Variants in SCN9A observed in about 807,000 individuals in gnomAD.
SCN9A encodes the protein sodium channel protein type 9 subunit alpha.
In SCN9A, 131 loss-of-function variants were observed where a neutral mutation model predicts 187.0. That is an observed-to-expected ratio of 0.70 (90% CI 0.61 to 0.81). The LOEUF is 0.81. SCN9A is among the 30% of genes least tolerant of loss of function. The pLI is 0.00. For missense variants in SCN9A, 2,252 were observed against 2,396.6 expected, an observed-to-expected ratio of 0.94 and a Z score of 1.26; for synonymous variants, 809 against 808.6, an observed-to-expected ratio of 1.00 and a Z score of -0.01.
intron 19 of SCN9A, among the ~76,000 whole-genome samples, chr2:166,239,375 ATAT>A (rs1462178722): frequency 6.6e-6 from 1 of 152,120 alleles, no homozygotes; most frequent in Non-Finnish European, 1.5e-5. Context: ...TTCGTGGTTA[ATAT>A]TATATTTATT....
rs1696049673 is a variant in SCN9A, at chr2:166,251,781, C to T, written c.3456G>A (p.Glu1152=). 6.2e-7 allele frequency: 1 copy of T among 1,612,614 alleles called. No individual in the cohort carries two copies. Among genetic ancestry groups the T allele is most frequent in the African/African-American group, 1.3e-5 (1 of 74,942 alleles). ...TTGTCTTACCATCTGTGAAACAGGCCTCTGGCTCATCGGAATTCATAGGTT... is the reference window on the plus strand; with the variant it reads ...TTGTCTTACCATCTGTGAAACAGGCTTCTGGCTCATCGGAATTCATAGGTT... ...EAEPMNSDEP[E]ACFTDGCVWR... The change falls in exon 18 of 27, where the codon GAG becomes GAA. Residue 1152 remains glutamate, a synonymous_variant. Transcript: ENST00000642356.
chr2:166,359,128 T>A (rs1452569641), intron 1 of SCN9A, among the ~76,000 whole-genome samples: 1 of 152,200 alleles, frequency 6.6e-6, no homozygotes, highest in Non-Finnish European at 1.5e-5. Flanking sequence ...ACCATACTAT[T>A]TTAATTACCC....
chr2:166,220,249 C>T (rs1694524648), intron 24 of SCN9A, among the ~76,000 whole-genome samples: 1 of 151,990 alleles, frequency 6.6e-6, no homozygotes. Context: ...AAAAAGAAAA[C>T]AAAAGCTAGG....
chr2:166,288,203 G>A (rs1378767609), intron 10 of SCN9A, among the ~76,000 whole-genome samples: 1 of 150,648 alleles, frequency 6.6e-6, no homozygotes, highest in Non-Finnish European at 1.5e-5. Flanking sequence ...AAAGGTTTAA[G>A]AGGAACAGCC....
At chr2:166,292,851 T>C (rs1280613818) in intron 9 of SCN9A, among the ~76,000 whole-genome samples, 1 of 152,034 alleles carries the variant, frequency 6.6e-6, no homozygotes, top group Non-Finnish European at 1.5e-5. Context: ...AAATAAAACA[T>C]GGTGAGCAGG....
intron 19 of SCN9A, among the ~76,000 whole-genome samples, chr2:166,239,129 A>C (rs1164117955): frequency 5.9e-5 from 9 of 151,510 alleles, no homozygotes; most frequent in Admixed American, 5.9e-4. Context: ...TTGACAAAGA[A>C]TTTGAAAGGA....
rs1479850648 is a variant in SCN9A, at chr2:166,199,263, A to G, written c.5376T>C (p.Asp1792=). Residue 1792 remains aspartate, a synonymous_variant, in exon 27 of 27, where the codon GAT becomes GAC. Transcript: ENST00000642356. ...TAGAGAACTCTATAAACTGGGTCGCATCGGGATCAAACTTCTCCCAAACCT... is the reference window on the plus strand; with the variant it reads ...TAGAGAACTCTATAAACTGGGTCGCGTCGGGATCAAACTTCTCCCAAACCT... ...FYEVWEKFDP[D]ATQFIEFSKL... 3 of 1,614,206 alleles carry G rather than the reference A, an allele frequency of 1.9e-6. No individual in the cohort carries two copies. The highest frequency in any genetic ancestry group is 1.1e-5 in the South Asian group (1 of 91,090).
At chr2:166,335,037 T>C (rs1699594118) in intron 1 of SCN9A, among the ~76,000 whole-genome samples, 1 of 152,174 alleles carries the variant, frequency 6.6e-6, no homozygotes, top group Non-Finnish European at 1.5e-5. Context: ...AGCTAAACAA[T>C]TGTATGCTGC....
intron 1 of SCN9A, among the ~76,000 whole-genome samples, chr2:166,344,168 T>C (rs1326664952): frequency 6.6e-6 from 1 of 152,128 alleles, no homozygotes; most frequent in Non-Finnish European, 1.5e-5. Context: ...AAGTACTTAA[T>C]TGAAAAATTA....
rs1412031535 is a variant in SCN9A, at chr2:166,198,974, C to G, written c.5665G>C (p.Glu1889Gln). ...PITTTLKRKQ[E>Q]DVSATVIQRA... Reference sequence around the variant, plus strand: ...TGAATGACAGTAGCAGACACATCCTCTTGTTTCCGTTTTAGTGTGGTTGTG... The same window carrying G: ...TGAATGACAGTAGCAGACACATCCTGTTGTTTCCGTTTTAGTGTGGTTGTG... The change falls in exon 27 of 27, where the codon GAG becomes CAG. Residue 1889 changes from glutamate to glutamine, a missense_variant. By Grantham distance (29) the Glu-to-Gln change is conservative. This residue lies in a region of SCN9A where 345 missense variants were observed against 344.6 expected (regional missense o/e 1.00). Coordinates refer to ENST00000642356, the MANE Select transcript of SCN9A (RefSeq NM_001365536.1). The G allele has an allele frequency of 6.2e-7, 1 of 1,613,906 alleles. No homozygotes were observed. Among genetic ancestry groups the G allele is most frequent in the Non-Finnish European group, 8.5e-7 (1 of 1,179,932 alleles).
chr2:166,204,236 A>C lies in SCN9A; in HGVS notation c.4504-11T>G. The C allele has an allele frequency of 6.2e-7, 1 of 1,605,682 alleles. No homozygotes were observed. The highest frequency in any genetic ancestry group is 2.2e-5 in the East Asian group (1 of 44,720). The stretch of plus-strand genomic sequence containing the variant: ...TCCTTGGATTTTGTTCTGCAAAGAA[A>C]TAAGAATAATATCGAATGCAGAGTA... On this transcript the variant is annotated splice_polypyrimidine_tract_variant and intron_variant, in intron 25 of 26. Transcript: ENST00000642356.
At chr2:166,308,133 C>G (rs578242489) in intron 2 of SCN9A, among the ~76,000 whole-genome samples, 1 of 152,146 alleles carries the variant, frequency 6.6e-6, no homozygotes, top group South Asian at 2.1e-4. Flanking sequence ...TATCTAAATA[C>G]AATTTAATGT....
intron 8 of SCN9A, among the ~76,000 whole-genome samples, chr2:166,293,988 G>C (rs4597545): frequency 0.56 from 84,697 of 151,916 alleles, 24,924 homozygotes; most frequent in African/African-American, 0.76. Flanking sequence ...TTCCTATGTT[G>C]CCAGTGTACA....
intron 1 of SCN9A, among the ~76,000 whole-genome samples, chr2:166,331,175 T>C (rs1199628635): frequency 6.6e-6 from 1 of 152,218 alleles, no homozygotes; most frequent in Non-Finnish European, 1.5e-5. Flanking sequence ...TCTTTAGGAC[T>C]TCCCTTCATT....
intron 1 of SCN9A, among the ~76,000 whole-genome samples, chr2:166,316,312 A>G (rs2105236353): frequency 6.6e-6 from 1 of 152,338 alleles, no homozygotes; most frequent in South Asian, 2.1e-4. Context: ...TGGCCTATTA[A>G]TCATTAGCAA....
rs893448993 is a variant in SCN9A, at chr2:166,316,568, G to A, written c.-50-4762C>T. Among the ~76,000 whole-genome samples, 7 of 152,246 alleles carry A rather than the reference G, an allele frequency of 4.6e-5. No homozygotes were observed. In the East Asian group the frequency reaches 1.2e-3, roughly 25 times the overall value. On this transcript the variant is annotated intron_variant, in intron 1 of 26. Transcript: ENST00000642356. ...AAATTAGCCAGGCATGTTGGCAGGC[G>A]CCTATAGTCCCAGCTGCTCGGGAGG...
chr2:166,290,330 G>T (rs1054118931), intron 9 of SCN9A, among the ~76,000 whole-genome samples: 5 of 152,084 alleles, frequency 3.3e-5, no homozygotes, highest in African/African-American at 1.2e-4. Context: ...ATGGGCATTT[G>T]AGTTGATTCC....
chr2:166,267,496 G>A (rs1696792429), intron 17 of SCN9A, among the ~76,000 whole-genome samples: 1 of 151,880 alleles, frequency 6.6e-6, no homozygotes, highest in Non-Finnish European at 1.5e-5. Flanking sequence ...GTTCATCAGG[G>A]ATAGTGGCCT....
intron 5 of SCN9A, 78 bp downstream of exon 5, chr2:166,305,714 G>C (rs1401974737): frequency 1.3e-5 from 21 of 1,576,054 alleles, no homozygotes; most frequent in Middle Eastern, 3.3e-4. Flanking sequence ...TCAGACCCCA[G>C]AGGTTTGCTG....
Sources: allele counts gnomAD v4.1 joint callset (sites outside exome capture counted in the v4.1 genomes callset), GRCh38; gene constraint gnomAD v4.1.1; regional missense constraint gnomAD v4.1.1; transcripts MANE v1.5; gene names NCBI Gene and HGNC (gene_info 2026-07-23, HGNC 2026-07-21).